Variants in ABCB5 observed in about 807,000 individuals in gnomAD.
The protein encoded by ABCB5 is ATP binding cassette subfamily B member 5.
A neutral mutation model predicts 144.2 loss-of-function variants in ABCB5; 155 were observed. The ratio of observed to expected loss-of-function variants is 1.08; its 90% CI spans 0.94 to 1.23. The LOEUF (loss-of-function observed/expected upper bound fraction) is 1.23. Ranked by LOEUF, ABCB5 falls within the 50% of genes most tolerant of loss-of-function variation. ABCB5 has a pLI of 0.00. For synonymous variants in ABCB5, 610 were observed against 528.6 expected, an observed-to-expected ratio of 1.15 and a Z score of -2.11; for missense variants, 1,830 against 1,520.8, an observed-to-expected ratio of 1.20 and a Z score of -3.38.
chr7:20,669,084 C>T (rs868602283), intron 14 of ABCB5, among the ~76,000 whole-genome samples: 54 of 151,130 alleles, frequency 3.6e-4, no homozygotes, highest in African/African-American at 1.2e-3. Context: ...GGCCAGCCGC[C>T]CCGTCCGGGA....
chr7:20,641,887 G>C (rs1784303712), intron 5 of ABCB5: 1 of 152,496 alleles, frequency 6.6e-6, no homozygotes. Flanking sequence ...CCCGTCATGT[G>C]TCTAGCAGAG....
Position 20,685,654 on chromosome 7 carries a change from A to G in ABCB5, c.1870-42A>G, listed in dbSNP as rs761229622. 2.0e-6 allele frequency: 3 copies of G among 1,516,366 alleles called. No homozygotes were observed. In the East Asian group the frequency reaches 6.9e-5, roughly 35 times the overall value. 93.9% of individuals were successfully genotyped at this position (1,516,366 alleles called of 1,614,324 possible). On this transcript the variant is annotated intron_variant, in intron 15 of 27. Transcript: ENST00000404938. ...GCTTAATAAGTTTCCTTGAATTTTT[A>G]AGGCATTCTTATAATGATAACCTAT...
At position 20,707,971 on chromosome 7, in the gene ABCB5, T is replaced by A. The variant is rs144537402; in HGVS notation, c.2421+3164T>A. Among the ~76,000 whole-genome samples the A allele has an allele frequency of 2.6e-5, 4 of 151,590 alleles. No homozygotes were observed. The East Asian group carries it at 7.7e-4, about 29-fold the overall frequency. On this transcript the variant is annotated intron_variant, in intron 20 of 27. Transcript: ENST00000404938. ...GGTGCCTGCTACTATGCCCAGCTAA[T>A]TTTTTTTGTATTTTTAGTAGAGACG...
At chr7:20,750,728 T>C (rs1228504701) in intron 26 of ABCB5, among the ~76,000 whole-genome samples, 1 of 152,046 alleles carries the variant, frequency 6.6e-6, no homozygotes, top group East Asian at 1.9e-4. Context: ...ACGGTTTCGG[T>C]AAGGGAGTGT....
At chr7:20,746,356 C>T (rs1282625680) in intron 26 of ABCB5, among the ~76,000 whole-genome samples, 1 of 152,230 alleles carries the variant, frequency 6.6e-6, no homozygotes, top group Admixed American at 6.5e-5. Context: ...CCTTGGCCTC[C>T]CAAAGTGCTG....
intron 14 of ABCB5, among the ~76,000 whole-genome samples, chr7:20,664,207 T>A (rs1017367821): frequency 1.3e-5 from 2 of 152,174 alleles, no homozygotes; most frequent in Non-Finnish European, 2.9e-5. Context: ...TATGCATATT[T>A]TTCCACAATT....
chr7:20,647,398 G>C (rs909482285), intron 9 of ABCB5, 137 bp from the exon 10 acceptor site: 29 of 1,378,376 alleles, frequency 2.1e-5, no homozygotes, highest in Non-Finnish European at 2.4e-5. Flanking sequence ...TTTTTTATTT[G>C]GTCATATCTT....
At chr7:20,679,168 T>C (rs1016107511) in intron 14 of ABCB5, among the ~76,000 whole-genome samples, 2 of 151,998 alleles carry the variant, frequency 1.3e-5, no homozygotes, top group African/African-American at 2.4e-5. Flanking sequence ...AAAGACACCA[T>C]TAAGAGAGTG....
chr7:20,646,228 A>G, intron 9 of ABCB5, 90 bp downstream of exon 9: 1 of 1,233,684 alleles, frequency 8.1e-7, no homozygotes, highest in Non-Finnish European at 1.1e-6. Flanking sequence ...TAAATATTCA[A>G]AGATGGATGT....
At position 20,651,452 on chromosome 7, in the gene ABCB5, A is replaced by G. The variant is rs1405799650; in HGVS notation, c.1365A>G (p.Leu455=). The G allele has an allele frequency of 5.6e-6, 9 of 1,614,116 alleles. No homozygotes were observed. The highest frequency in any genetic ancestry group is 6.8e-6 in the Non-Finnish European group (8 of 1,180,002). ...TGGATGAGAATGACATCAGAGCTTT[A>G]AATGTGCGGCATTATCGAGACCATA... ...IMVDENDIRA[L]NVRHYRDHIG... is the part of the protein sequence containing the mutation. The change falls in exon 13 of 28, where the codon TTA becomes TTG. Residue 455 remains leucine (L), a synonymous_variant. Transcript: ENST00000404938.
Position 20,681,656 on chromosome 7 carries a change from T to C in ABCB5, c.1859T>C (p.Val620Ala). 4 of 1,613,974 alleles carry C rather than the reference T, an allele frequency of 2.5e-6. No individual in the cohort carries two copies. The highest frequency in any genetic ancestry group is 1.1e-5 in the South Asian group (1 of 91,058). The change falls in exon 15 of 28, where the codon GTG becomes GCG. Residue 620 changes from valine to alanine, a missense_variant. By Grantham distance (64) the Val-to-Ala change is moderately conservative. Coordinates refer to ENST00000404938, the MANE Select transcript of ABCB5 (RefSeq NM_001163941.2). ...MAKRGLYYSL[V>A]MSQDIKKADE... ...AAACGAGGTCTATATTATTCACTTGTGATGTCACAGGTAATGCTTATGTGA... is the reference window on the plus strand; with the variant it reads ...AAACGAGGTCTATATTATTCACTTGCGATGTCACAGGTAATGCTTATGTGA...
chr7:20,755,375 G>C lies in ABCB5; in HGVS notation c.3577-52G>C. On this transcript the variant is annotated intron_variant, in intron 27 of 27. Transcript: ENST00000404938. ...ACCTTAATTGATTTGACTTAGGTAA[G>C]TTTACTAACATCTAACTCAAACTGG... 4 of 1,557,904 alleles carry C rather than the reference G, an allele frequency of 2.6e-6. No homozygotes were observed. In the South Asian group the frequency reaches 3.4e-5, roughly 13 times the overall value.
chr7:20,650,241 T>C (rs1784540660), intron 12 of ABCB5, 94 bp downstream of exon 12: 1 of 1,478,076 alleles, frequency 6.8e-7, no homozygotes, highest in Non-Finnish European at 9.1e-7. Context: ...TTTTCAACAG[T>C]AGAGCTGGGA....
chr7:20,721,716 C>CA (rs1781874168), intron 20 of ABCB5, among the ~76,000 whole-genome samples: 2 of 152,048 alleles, frequency 1.3e-5, no homozygotes, highest in African/African-American at 4.8e-5. Context: ...GGTAAATGTA[C>CA]AAAAAATATA....
chr7:20,669,723 T>TAAAAAA (rs35747177), intron 14 of ABCB5, among the ~76,000 whole-genome samples: 6 of 65,526 alleles, frequency 9.2e-5, no homozygotes, highest in African/African-American at 2.7e-4. Context: ...GAATGATCAA[T>TAAAAAA]AAAAAAAAAA....
chr7:20,634,449 T>C (rs1235545845), intron 5 of ABCB5, among the ~76,000 whole-genome samples: 2 of 152,090 alleles, frequency 1.3e-5, no homozygotes, highest in Non-Finnish European at 2.9e-5. Flanking sequence ...GTATTTCAAT[T>C]TTTAGTTCTT....
In ABCB5 at chr7:20,729,322, G is replaced by C. The variant is rs566965163; in HGVS notation, c.2867+867G>C. Among the ~76,000 whole-genome samples, 3 of 152,280 alleles carry C rather than the reference G, an allele frequency of 2.0e-5. No homozygotes were observed. In the South Asian group the frequency reaches 6.2e-4, roughly 32 times the overall value. ...GTCATTCATCCCTTAGGAAATTTGT[G>C]AGACATTATGAAACTCTCAGTGTGG... On this transcript the variant is annotated intron_variant, in intron 23 of 27. Transcript: ENST00000404938.
intron 20 of ABCB5, among the ~76,000 whole-genome samples, chr7:20,715,418 TG>T (rs1032571175): frequency 6.6e-6 from 1 of 151,742 alleles, no homozygotes; most frequent in African/African-American, 2.4e-5. Flanking sequence ...TGTGTGTGCG[TG>T]TGTGTGTGTG....
intron 26 of ABCB5, among the ~76,000 whole-genome samples, chr7:20,749,395 ATTT>A (rs34687757): frequency 2.8e-4 from 23 of 81,930 alleles, no homozygotes; most frequent in Admixed American, 8.3e-4. Flanking sequence ...TGCCTGCCTA[ATTT>A]TTTTTTTTTT....
Sources: gnomAD v4.1 joint callset for allele counts (sites outside exome capture counted in the v4.1 genomes callset) on GRCh38, gnomAD v4.1.1 for gene constraint, MANE v1.5 for transcripts, NCBI Gene and HGNC (gene_info 2026-07-23, HGNC 2026-07-21) for gene names.